CRADD: variants seen among roughly 807,000 people sequenced by gnomAD.
CRADD encodes death domain-containing protein CRADD.
A neutral mutation model predicts 15.5 loss-of-function variants in CRADD; 9 were observed. That is an observed-to-expected ratio of 0.58 (90% CI 0.35 to 1.01). The LOEUF (loss-of-function observed/expected upper bound fraction) is 1.01. Ranked by LOEUF, CRADD falls within the 50% of genes least tolerant of loss-of-function variation. CRADD has a pLI of 0.02. For missense variants in CRADD, 227 were observed against 250.3 expected, an observed-to-expected ratio of 0.91 and a Z score of 0.63; for synonymous variants, 118 against 107.6, an observed-to-expected ratio of 1.10 and a Z score of -0.60.
chr12:93,820,005 T>C (rs1466931321), intron 2 of CRADD, among the ~76,000 whole-genome samples: 2 of 152,228 alleles, frequency 1.3e-5, no homozygotes, highest in East Asian at 3.8e-4. Flanking sequence ...CTGCTTCCCA[T>C]GTCTACCTGC....
intron 2 of CRADD, among the ~76,000 whole-genome samples, chr12:93,767,128 C>G (rs1957034466): frequency 6.6e-6 from 1 of 152,218 alleles, no homozygotes; most frequent in South Asian, 2.1e-4. Context: ...ATCTCACATT[C>G]ACAAAGGATC....
intron 2 of CRADD, among the ~76,000 whole-genome samples, chr12:93,788,589 C>A (rs560265175): frequency 8.5e-5 from 13 of 152,208 alleles, no homozygotes; most frequent in Admixed American, 3.9e-4. Flanking sequence ...CTTGACTATT[C>A]TTGATTCAGG....
rs1187292724 is a variant in CRADD, at chr12:93,850,087, G to A, written c.416G>A (p.Gly139Glu). Residue 139 changes from glycine to glutamate, a missense_variant, in exon 3 of 3, where the codon GGA becomes GAA. By Grantham distance (98) the Gly-to-Glu change is moderately conservative. Coordinates refer to ENST00000332896, the MANE Select transcript of CRADD (RefSeq NM_003805.5). The surrounding 1 kb of genome is among the most constrained non-coding windows in gnomAD (Gnocchi z 4.0). ...PEWEPMVLSLGLSQTDIYRCK... is the reference protein window; with the variant it reads ...PEWEPMVLSLELSQTDIYRCK... ...TGGGAGCCCATGGTGCTGTCTCTGG[G>A]ACTGTCCCAGACGGATATCTACCGC... 2 of 1,613,950 alleles carry A rather than the reference G, an allele frequency of 1.2e-6. No individual in the cohort carries two copies. The highest frequency in any genetic ancestry group is 4.5e-5 in the East Asian group (2 of 44,868).
Position 93,794,935 on chromosome 12 carries a change from C to A in CRADD, c.299-55035C>A, listed in dbSNP as rs932796292. On this transcript the variant is annotated intron_variant, in intron 2 of 2. Coordinates refer to ENST00000332896, the MANE Select transcript of CRADD (RefSeq NM_003805.5). ...CCCTGCTATACAGATCACCATAAGG[C>A]TGGCTTCCTCTTACTACCTAGGTTT... Among the ~76,000 whole-genome samples the A allele has an allele frequency of 1.2e-4, 18 of 152,310 alleles. 1 individual carries two copies. The highest frequency in any genetic ancestry group is 3.4e-3 in the Middle Eastern group (1 of 294).
intron 2 of CRADD, among the ~76,000 whole-genome samples, chr12:93,743,851 T>A (rs977852902): frequency 4.6e-5 from 7 of 152,216 alleles, no homozygotes; most frequent in Non-Finnish European, 1.0e-4. Context: ...CATTTTTTTT[T>A]ATTTTAAAAA....
At chr12:93,822,768 A>G (rs1334256945) in intron 2 of CRADD, among the ~76,000 whole-genome samples, 1 of 152,218 alleles carries the variant, frequency 6.6e-6, no homozygotes, top group Non-Finnish European at 1.5e-5. Context: ...ATATCTAAGA[A>G]CTTCTGCATA....
chr12:93,695,721 G>A (rs1955688421), intron 2 of CRADD, among the ~76,000 whole-genome samples: 1 of 152,170 alleles, frequency 6.6e-6, no homozygotes, highest in Non-Finnish European at 1.5e-5. Flanking sequence ...TGGCCAACAT[G>A]GTGAAACCCT....
intron 2 of CRADD, among the ~76,000 whole-genome samples, chr12:93,775,524 T>C (rs1957131789): frequency 6.6e-6 from 1 of 152,172 alleles, no homozygotes; most frequent in South Asian, 2.1e-4. Flanking sequence ...TACTAAATAG[T>C]GGTGAAAGAG....
At chr12:93,723,953 C>A (rs1350254481) in intron 2 of CRADD, among the ~76,000 whole-genome samples, 1 of 152,214 alleles carries the variant, frequency 6.6e-6, no homozygotes, top group Non-Finnish European at 1.5e-5. Flanking sequence ...AATCCACTGT[C>A]AGATGAGGCT....
intron 2 of CRADD, among the ~76,000 whole-genome samples, chr12:93,706,208 A>G (rs1177001461): frequency 6.6e-6 from 1 of 152,208 alleles, no homozygotes; most frequent in Non-Finnish European, 1.5e-5. Context: ...TTGGAAGATG[A>G]TATTTTCTCT....
At chr12:93,697,765 G>T (rs558352947) in intron 2 of CRADD, among the ~76,000 whole-genome samples, 1 of 152,224 alleles carries the variant, frequency 6.6e-6, no homozygotes, top group East Asian at 1.9e-4. Flanking sequence ...AGCAAGCATA[G>T]AAATTTATTT....
intron 2 of CRADD, among the ~76,000 whole-genome samples, chr12:93,729,725 CA>C (rs2136908082): frequency 6.8e-6 from 1 of 148,060 alleles, no homozygotes; most frequent in East Asian, 2.0e-4. Context: ...GCAGAGATTG[CA>C]GTGAGCCGAG....
At chr12:93,823,964 T>C (rs1167980544) in intron 2 of CRADD, among the ~76,000 whole-genome samples, 1 of 152,172 alleles carries the variant, frequency 6.6e-6, no homozygotes, top group Non-Finnish European at 1.5e-5. Flanking sequence ...GCAGTAAAAA[T>C]GCTGAGTTGT....
chr12:93,758,714 G>A (rs948822299), intron 2 of CRADD, among the ~76,000 whole-genome samples: 7 of 151,998 alleles, frequency 4.6e-5, no homozygotes, highest in African/African-American at 1.4e-4. Flanking sequence ...CTTGATTTAC[G>A]TGAAAATTTA....
chr12:93,890,637 T>A (rs1205841573), intron 2 of CRADD, among the ~76,000 whole-genome samples: 1 of 152,220 alleles, frequency 6.6e-6, no homozygotes, highest in African/African-American at 2.4e-5. Flanking sequence ...GCCATCCTGC[T>A]GTAAATGCAA....
chr12:93,810,793 C>T (rs1003064952), intron 2 of CRADD, among the ~76,000 whole-genome samples: 2 of 152,162 alleles, frequency 1.3e-5, no homozygotes, highest in African/African-American at 4.8e-5. Flanking sequence ...AGCACTATCA[C>T]TGCCTGTCTT....
intron 2 of CRADD, among the ~76,000 whole-genome samples, chr12:93,755,649 G>C (rs554724033): frequency 6.6e-6 from 1 of 152,316 alleles, no homozygotes; most frequent in African/African-American, 2.4e-5. Context: ...TGGAATCCCA[G>C]TCAGCCGATT....
chr12:93,853,158 T>G (rs1055791945), downstream of CRADD, among the ~76,000 whole-genome samples: 2 of 152,226 alleles, frequency 1.3e-5, no homozygotes, highest in African/African-American at 4.8e-5. Context: ...TATTTTTTTT[T>G]GTCGATGTGG....
Position 93,819,923 on chromosome 12 carries a change from A to G in CRADD, c.299-30047A>G, listed in dbSNP as rs144909480. Among the ~76,000 whole-genome samples, 3 of 152,366 alleles carry G rather than the reference A, an allele frequency of 2.0e-5. No individual in the cohort carries two copies. In the East Asian group the frequency reaches 5.8e-4, roughly 29 times the overall value. Reference sequence around the variant, plus strand: ...AGACCCATGTGGGTTCTGCAAATCTAGTCATTGACTTGACGTTTTTCACTC... The same window carrying G: ...AGACCCATGTGGGTTCTGCAAATCTGGTCATTGACTTGACGTTTTTCACTC... On this transcript the variant is annotated intron_variant, in intron 2 of 2. Transcript: ENST00000332896.
Sources: gnomAD v4.1 joint callset for allele counts (sites outside exome capture counted in the v4.1 genomes callset) on GRCh38, gnomAD v4.1.1 for gene constraint, Gnocchi (gnomAD v3.1) non-coding constraint, MANE v1.5 for transcripts, NCBI Gene and HGNC (gene_info 2026-07-23, HGNC 2026-07-21) for gene names.